EML4: variants seen among roughly 807,000 people sequenced by gnomAD.
The protein encoded by EML4 is EMAP like 4, also known as echinoderm microtubule-associated protein-like 4.
In EML4, 72 loss-of-function variants were observed where a neutral mutation model predicts 129.0. That is an observed-to-expected ratio of 0.56 (90% confidence interval 0.46 to 0.68). EML4 has a LOEUF of 0.68. Ranked by LOEUF, EML4 falls within the 30% of genes least tolerant of loss-of-function variation. The pLI is 0.00. For synonymous variants in EML4, 532 were observed against 405.0 expected (o/e 1.31, Z -3.77); for missense variants, 1,363 against 1,190.6 (o/e 1.14, Z -2.13).
intron 6 of EML4, among the ~76,000 whole-genome samples, chr2:42,275,751 A>C (rs754989438): frequency 1.3e-5 from 2 of 152,318 alleles, no homozygotes; most frequent in Non-Finnish European, 2.9e-5. Flanking sequence ...AATTTTCACC[A>C]TACCAAGGTT....
chr2:42,275,116 A>G (rs1666585140), intron 6 of EML4, among the ~76,000 whole-genome samples: 1 of 152,216 alleles, frequency 6.6e-6, no homozygotes, highest in South Asian at 2.1e-4. Context: ...TATGTAATTG[A>G]AATTTTTCTA....
intron 20 of EML4, 51 bp downstream of exon 20, chr2:42,325,605 TATATATATATATATATATA>T (rs762626583): frequency 1.5e-3 from 34 of 22,016 alleles, no homozygotes; most frequent in African/African-American, 0.013. Context: ...ATTATATTTA[TATATATATATATATATATA>T]TATATATATA....
chr2:42,242,304 T>C (rs183976247), intron 1 of EML4, among the ~76,000 whole-genome samples: 1 of 152,306 alleles, frequency 6.6e-6, no homozygotes, highest in Admixed American at 6.5e-5. Context: ...TAGAAAAATA[T>C]ATCCATATAG....
chr2:42,324,606 G>A (rs1347294580), intron 19 of EML4, among the ~76,000 whole-genome samples: 1 of 152,168 alleles, frequency 6.6e-6, no homozygotes, highest in Non-Finnish European at 1.5e-5. Flanking sequence ...GCAACAGAGT[G>A]AGACCCTGTC....
chr2:42,225,865 A>C (rs1326228421), intron 1 of EML4, among the ~76,000 whole-genome samples: 1 of 152,168 alleles, frequency 6.6e-6, no homozygotes, highest in Non-Finnish European at 1.5e-5. Context: ...TGTTTTTTGA[A>C]GTGAGAAGAA....
intron 6 of EML4, among the ~76,000 whole-genome samples, chr2:42,269,385 A>ACATT (rs1199360763): frequency 2.0e-5 from 3 of 152,366 alleles, no homozygotes; most frequent in South Asian, 4.1e-4. Context: ...TACATTTTAT[A>ACATT]CATTCATTCA....
Position 42,269,385 on chromosome 2 carries a change from A to G in EML4, c.667+4654A>G, listed in dbSNP as rs183750724. Among the ~76,000 whole-genome samples, 395 of 152,366 alleles carry G rather than the reference A, an allele frequency of 2.6e-3. 3 individuals carry two copies. Among genetic ancestry groups the G allele is most frequent in the African/African-American group, 8.5e-3 (352 of 41,596 alleles). ...GTTCTTTATCAGATATACATTTTAT[A>G]CATTCATTCATTCATTTAACAGATA... On this transcript the variant is annotated intron_variant, in intron 6 of 22. Transcript: ENST00000318522.
chr2:42,303,945 A>G (rs1668451768), intron 16 of EML4, among the ~76,000 whole-genome samples: 1 of 152,256 alleles, frequency 6.6e-6, no homozygotes, highest in Non-Finnish European at 1.5e-5. Flanking sequence ...AAATAGAAGA[A>G]GTAAGTTAGC....
At position 42,330,824 on chromosome 2, in the gene EML4, G is replaced by C. The variant is rs1303934604; in HGVS notation, c.*617G>C. 9.5e-6 allele frequency: 2 copies of C among 210,168 alleles called. No homozygotes were observed. Among genetic ancestry groups the C allele is most frequent in the Non-Finnish European group, 1.9e-5 (2 of 102,872 alleles). The allele number at this position is 210,168 out of a possible 1,614,324, so 13.0% of individuals were successfully genotyped here. On this transcript the variant is annotated 3_prime_UTR_variant, in exon 23 of 23. Transcript: ENST00000318522. ...GACATGCTCTTAGTCTACTAGAGAG[G>C]TGCTGCCTTTTCTAAGTCATAATGA...
At chr2:42,193,536 G>A (rs1355749052) in intron 1 of EML4, among the ~76,000 whole-genome samples, 1 of 152,190 alleles carries the variant, frequency 6.6e-6, no homozygotes, top group Non-Finnish European at 1.5e-5. Flanking sequence ...CCAATCTGAT[G>A]CTATAATGAG....
intron 6 of EML4, among the ~76,000 whole-genome samples, chr2:42,268,929 A>C (rs1425281859): frequency 6.6e-6 from 1 of 152,220 alleles, no homozygotes; most frequent in Non-Finnish European, 1.5e-5. Context: ...TGAATGACTC[A>C]GATCTCTACT....
chr2:42,261,793 T>G (rs1450630698), intron 4 of EML4, among the ~76,000 whole-genome samples: 1 of 152,118 alleles, frequency 6.6e-6, no homozygotes, highest in Admixed American at 6.5e-5. Flanking sequence ...CTTGCTTGAG[T>G]AGAGAAATGA....
chr2:42,234,497 G>A (rs917243422), intron 1 of EML4, among the ~76,000 whole-genome samples: 2 of 151,080 alleles, frequency 1.3e-5, no homozygotes, highest in African/African-American at 4.8e-5. Context: ...GTTCAGACCT[G>A]TCTCACAAAC....
intron 11 of EML4, among the ~76,000 whole-genome samples, chr2:42,292,523 G>C (rs1252704680): frequency 6.6e-6 from 1 of 152,170 alleles, no homozygotes; most frequent in Non-Finnish European, 1.5e-5. Flanking sequence ...AGACATGAAG[G>C]AATGCATTGT....
At chr2:42,247,787 A>G (rs986629086) in intron 2 of EML4, among the ~76,000 whole-genome samples, 1 of 152,158 alleles carries the variant, frequency 6.6e-6, no homozygotes, top group African/African-American at 2.4e-5. Flanking sequence ...TTTTTAGAGT[A>G]GGATAAGGAG....
Position 42,330,595 on chromosome 2 carries a change from C to G in EML4, c.*388C>G. 2.6e-6 allele frequency: 1 copy of G among 388,648 alleles called. No homozygotes were observed. Among genetic ancestry groups the G allele is most frequent in the Non-Finnish European group, 4.9e-6 (1 of 206,114 alleles). 24.1% of individuals were successfully genotyped at this position (388,648 alleles called of 1,614,324 possible). On this transcript the variant is annotated 3_prime_UTR_variant, in exon 23 of 23. Transcript: ENST00000318522. ...CAGAGGTATCACAAACACTGTTACT[C>G]ATCTACTGGCTCAGACTGTACTACT...
chr2:42,264,865 T>G (rs1471427885), intron 6 of EML4, 134 bp downstream of exon 6: 2 of 1,528,648 alleles, frequency 1.3e-6, no homozygotes, highest in Non-Finnish European at 1.8e-6. Context: ...CTGTAGTCAT[T>G]TAGGAAAAAA....
chr2:42,317,427 A>G lies in EML4; in HGVS notation c.2057A>G (p.Asp686Gly), dbSNP rs886231360. 3.8e-6 allele frequency: 6 copies of G among 1,599,378 alleles called. No homozygotes were observed. Among genetic ancestry groups the G allele is most frequent in the East Asian group, 4.5e-5 (2 of 44,716 alleles). Residue 686 changes from aspartate to glycine, a missense_variant and splice_region_variant, in exon 19 of 23, where the codon GAT becomes GGT. Physicochemically the swap from Asp to Gly is moderately conservative, Grantham distance 94. Transcript: ENST00000318522. Reference sequence around the variant, plus strand: ...TCAACACTGACCTATTTTATTCTAGATGGTACCTTCCTGGCTGTAGGATCT... The same window carrying G: ...TCAACACTGACCTATTTTATTCTAGGTGGTACCTTCCTGGCTGTAGGATCT... ...EQLSVMRYSI[D>G]GTFLAVGSHD...
intron 1 of EML4, among the ~76,000 whole-genome samples, chr2:42,171,367 T>C (rs1449920840): frequency 6.6e-6 from 1 of 152,256 alleles, no homozygotes; most frequent in Non-Finnish European, 1.5e-5. Context: ...TCGTGTTGGC[T>C]CTAAAGATTT....
Sources: gnomAD v4.1 joint callset for allele counts (sites outside exome capture counted in the v4.1 genomes callset) on GRCh38, gnomAD v4.1.1 for gene constraint, MANE v1.5 for transcripts, NCBI Gene and HGNC (gene_info 2026-07-23, HGNC 2026-07-21) for gene names.